The following SGO2 variants were observed in gnomAD, a reference collection of about 807,000 sequenced individuals.
SGO2 encodes shugoshin-like 2.
In SGO2, 68 loss-of-function variants were observed where a neutral mutation model predicts 99.5. That is an observed-to-expected ratio of 0.68 (90% CI 0.56 to 0.84). The LOEUF (loss-of-function observed/expected upper bound fraction) is 0.84, where lower values mean the gene tolerates loss of function less well. Ranked by LOEUF, SGO2 falls within the 40% of genes least tolerant of loss-of-function variation. SGO2 has a pLI of 0.00. For missense variants in SGO2, 1,350 were observed against 1,436.7 expected (o/e 0.94, Z 0.97); for synonymous variants, 457 against 487.1 (o/e 0.94, Z 0.81).
In SGO2 at chr2:200,569,756, C is replaced by T. The variant is rs767000900; in HGVS notation, c.567C>T (p.Pro189=). The change falls in exon 6 of 9, where the codon CCC becomes CCT. Residue 189 remains proline, a synonymous_variant. Coordinates refer to ENST00000357799, the MANE Select transcript of SGO2 (RefSeq NM_152524.6). ...NIKSKTLPDI[P]SSGSTTQPLS... The stretch of plus-strand genomic sequence containing the variant: ...AATCAAAGACATTACCTGATATTCC[C>T]TCTTCAGGATCAACAACACAACCTT... 8 of 1,612,532 alleles carry T rather than the reference C, an allele frequency of 5.0e-6. No homozygotes were observed. The highest frequency in any genetic ancestry group is 4.0e-5 in the African/African-American group (3 of 74,876).
At chr2:200,546,066 C>G (rs1398737272) in intron 5 of SGO2, among the ~76,000 whole-genome samples, 2 of 152,068 alleles carry the variant, frequency 1.3e-5, no homozygotes, top group African/African-American at 2.4e-5. Flanking sequence ...TTGGGACCTC[C>G]CCCATTTTGG....
intron 5 of SGO2, among the ~76,000 whole-genome samples, chr2:200,567,031 G>A (rs1196421108): frequency 6.6e-6 from 1 of 152,202 alleles, no homozygotes; most frequent in African/African-American, 2.4e-5. Flanking sequence ...GTGAGGCGAT[G>A]CCTTGCAGTG....
chr2:200,537,637 A>G (rs1180696585), intron 4 of SGO2, among the ~76,000 whole-genome samples: 2 of 152,090 alleles, frequency 1.3e-5, no homozygotes, highest in East Asian at 3.9e-4. Flanking sequence ...GGAATGCCTT[A>G]TGACTCAGTT....
intron 7 of SGO2, among the ~76,000 whole-genome samples, chr2:200,574,550 T>C (rs897199588): frequency 6.6e-6 from 1 of 152,048 alleles, no homozygotes; most frequent in Non-Finnish European, 1.5e-5. Context: ...GGGGAGTAAT[T>C]TTGACTAGAG....
At chr2:200,534,324 G>A (rs2031583776) in intron 2 of SGO2, among the ~76,000 whole-genome samples, 1 of 152,126 alleles carries the variant, frequency 6.6e-6, no homozygotes, top group Non-Finnish European at 1.5e-5. Flanking sequence ...CAACAGAAAA[G>A]CAATTTCAGG....
Position 200,571,227 on chromosome 2 carries a change from T to C in SGO2, c.881T>C (p.Val294Ala), listed in dbSNP as rs1441607653. The C allele has an allele frequency of 6.2e-7, 1 of 1,613,534 alleles. No individual in the cohort carries two copies. The highest frequency in any genetic ancestry group is 1.1e-5 in the South Asian group (1 of 91,030). Residue 294 changes from valine to alanine, a missense_variant, in exon 7 of 9, where the codon GTT becomes GCT. Val to Ala is a moderately conservative substitution (Grantham distance 64). Coordinates refer to ENST00000357799, the MANE Select transcript of SGO2 (RefSeq NM_152524.6). Reference sequence around the variant, plus strand: ...TCTGCAGACACTCCCTGTGCAACAGTTTTAGATAAACAACACATTTCAAGT... The same window carrying C: ...TCTGCAGACACTCCCTGTGCAACAGCTTTAGATAAACAACACATTTCAAGT... ...NLSADTPCAT[V>A]LDKQHISSPE...
chr2:200,527,603 A>T (rs2031161500), intron 1 of SGO2, among the ~76,000 whole-genome samples: 2 of 152,242 alleles, frequency 1.3e-5, no homozygotes, highest in South Asian at 2.1e-4. Flanking sequence ...ACATCTGCTT[A>T]ACACTTTCAA....
chr2:200,566,785 C>G (rs1196521662), intron 5 of SGO2, among the ~76,000 whole-genome samples: 1 of 152,220 alleles, frequency 6.6e-6, no homozygotes, highest in Admixed American at 6.5e-5. Context: ...ACCCGTCCCC[C>G]CAGCCTGGCT....
intron 8 of SGO2, among the ~76,000 whole-genome samples, chr2:200,578,555 G>A (rs1012873406): frequency 6.6e-6 from 1 of 152,186 alleles, no homozygotes; most frequent in Non-Finnish European, 1.5e-5. Context: ...TTTCCTTGTG[G>A]TTCTGGACAG....
intron 1 of SGO2, among the ~76,000 whole-genome samples, chr2:200,529,242 T>C (rs2031247695): frequency 6.6e-6 from 1 of 152,250 alleles, no homozygotes; most frequent in Non-Finnish European, 1.5e-5. Flanking sequence ...TGCCATTCTT[T>C]CTTCCTGGAA....
chr2:200,546,178 TAA>T (rs61255782), intron 5 of SGO2, among the ~76,000 whole-genome samples: 3,313 of 139,334 alleles, frequency 0.024, 112 homozygotes, highest in African/African-American at 0.074. Flanking sequence ...ATAGATTTGC[TAA>T]AAAAAAAAAA....
intron 4 of SGO2, among the ~76,000 whole-genome samples, chr2:200,539,653 G>C (rs758444019): frequency 6.6e-6 from 1 of 151,670 alleles, no homozygotes; most frequent in Non-Finnish European, 1.5e-5. Flanking sequence ...CTTTAGTTTT[G>C]AGAATTTTGA....
rs1269711156 is a variant in SGO2, at chr2:200,583,963, T to G, written c.*499T>G. 7.2e-5 allele frequency among the ~76,000 whole-genome samples: 11 copies of G among 152,378 alleles called. No individual in the cohort carries two copies. In the East Asian group the frequency reaches 2.1e-3, roughly 29 times the overall value. On this transcript the variant is annotated 3_prime_UTR_variant, in exon 9 of 9. Coordinates refer to ENST00000357799, the MANE Select transcript of SGO2 (RefSeq NM_152524.6). The stretch of plus-strand genomic sequence containing the variant: ...TGAATGTCAGCTTCTGTATTATTTC[T>G]ATTATATGTAATCTGATGACTTAGA...
intron 1 of SGO2, among the ~76,000 whole-genome samples, chr2:200,528,706 C>T (rs1434236394): frequency 6.6e-6 from 1 of 152,156 alleles, no homozygotes; most frequent in Non-Finnish European, 1.5e-5. Flanking sequence ...AGCCAGGATA[C>T]TGGCTGATAG....
At chr2:200,527,118 C>G (rs2031137286) in intron 1 of SGO2, among the ~76,000 whole-genome samples, 1 of 152,136 alleles carries the variant, frequency 6.6e-6, no homozygotes, top group African/African-American at 2.4e-5. Context: ...ACCCCAAATG[C>G]CTGGTTCTGG....
chr2:200,563,606 T>C (rs1169126929), intron 5 of SGO2, among the ~76,000 whole-genome samples: 1 of 152,212 alleles, frequency 6.6e-6, no homozygotes, highest in African/African-American at 2.4e-5. Flanking sequence ...TCTTTTTCTA[T>C]TGATTGGAAG....
In SGO2 at chr2:200,573,392, T is replaced by A; in HGVS notation, c.3046T>A (p.Ser1016Thr). 1.9e-6 allele frequency: 3 copies of A among 1,602,754 alleles called. No individual in the cohort carries two copies. Among genetic ancestry groups the A allele is most frequent in the Non-Finnish European group, 2.5e-6 (3 of 1,176,884 alleles). Residue 1016 changes from serine to threonine, a missense_variant, in exon 7 of 9, where the codon TCT becomes ACT. Ser to Thr is a moderately conservative substitution (Grantham distance 58, BLOSUM62 1). Coordinates refer to ENST00000357799, the MANE Select transcript of SGO2 (RefSeq NM_152524.6). ...ACAGTTAACAGAATCTTCACAGACA[T>A]CTATCTCCTTAGAATCTGATTTAAA... is the stretch of plus-strand genomic sequence containing the variant. Reference protein sequence around the residue: ...ASQLTESSQTSISLESDLKHI... With the variant: ...ASQLTESSQTTISLESDLKHI...
chr2:200,562,115 T>A (rs1291754591), intron 5 of SGO2, among the ~76,000 whole-genome samples: 1 of 152,228 alleles, frequency 6.6e-6, no homozygotes, highest in African/African-American at 2.4e-5. Context: ...GGTGTTTTAG[T>A]CATGAAGTCC....
intron 8 of SGO2, among the ~76,000 whole-genome samples, chr2:200,579,673 G>T (rs1163854729): frequency 6.6e-6 from 1 of 152,120 alleles, no homozygotes; most frequent in Non-Finnish European, 1.5e-5. Flanking sequence ...GAGTTTTCCA[G>T]TACCGAACTA....
Sources: allele counts gnomAD v4.1 joint callset (sites outside exome capture counted in the v4.1 genomes callset), GRCh38; gene constraint gnomAD v4.1.1; transcripts MANE v1.5; gene names NCBI Gene and HGNC (gene_info 2026-07-23, HGNC 2026-07-21).